The following PCED1B variants were observed in gnomAD, a reference collection of about 807,000 sequenced individuals.
PCED1B encodes the protein PC-esterase domain-containing protein 1B.
For synonymous variants in PCED1B, 251 were observed against 246.1 expected, an observed-to-expected ratio of 1.02 and a Z score of -0.19; for missense variants, 573 against 573.9, an observed-to-expected ratio of 1.00 and a Z score of 0.02.
At chr12:47,099,073 C>G (rs1351708921) in intron 1 of PCED1B, among the ~76,000 whole-genome samples, 1 of 152,172 alleles carries the variant, frequency 6.6e-6, no homozygotes, top group Non-Finnish European at 1.5e-5. Context: ...CCCCTTCTCC[C>G]CTGCGAACCA....
intron 1 of PCED1B, among the ~76,000 whole-genome samples, chr12:47,091,857 G>A (rs1172180904): frequency 4.6e-5 from 7 of 152,054 alleles, no homozygotes; most frequent in Non-Finnish European, 8.8e-5. Context: ...CCATATATGT[G>A]CAGGTCTACT....
intron 2 of PCED1B, among the ~76,000 whole-genome samples, chr12:47,178,827 A>C (rs1174447200): frequency 1.3e-5 from 2 of 148,244 alleles, no homozygotes; most frequent in African/African-American, 5.0e-5. Context: ...TGATCACGCC[A>C]CTGCACTCCA....
At chr12:47,149,362 C>T (rs10881053) in intron 2 of PCED1B, among the ~76,000 whole-genome samples, 87,925 of 152,050 alleles carry the variant, frequency 0.58, 26,172 homozygotes, top group South Asian at 0.65. Flanking sequence ...TCTCTCCCTT[C>T]GTCAAATTCC....
chr12:47,116,303 G>A (rs927101102), intron 2 of PCED1B, among the ~76,000 whole-genome samples: 1 of 152,106 alleles, frequency 6.6e-6, no homozygotes, highest in Non-Finnish European at 1.5e-5. Flanking sequence ...TTTTGGAAAG[G>A]TACATAGTCT....
intron 2 of PCED1B, among the ~76,000 whole-genome samples, chr12:47,185,817 A>G (rs1425480927): frequency 6.6e-6 from 1 of 152,056 alleles, no homozygotes; most frequent in Non-Finnish European, 1.5e-5. Flanking sequence ...ACTGTATATT[A>G]GACTGACAAA....
At chr12:47,127,300 A>G (rs1002637665) in intron 2 of PCED1B, among the ~76,000 whole-genome samples, 1 of 150,114 alleles carries the variant, frequency 6.7e-6, no homozygotes, top group Non-Finnish European at 1.5e-5. Context: ...TACCCAGGGG[A>G]TGTTTAGAGT....
At chr12:47,170,358 G>T (rs537477716) in intron 2 of PCED1B, among the ~76,000 whole-genome samples, 1 of 151,694 alleles carries the variant, frequency 6.6e-6, no homozygotes, top group African/African-American at 2.4e-5. Context: ...TTTGCTATTC[G>T]GCAAAACCGC....
At chr12:47,124,636 T>C (rs60820583) in intron 2 of PCED1B, among the ~76,000 whole-genome samples, 4 of 151,806 alleles carry the variant, frequency 2.6e-5, no homozygotes, top group Admixed American at 6.6e-5. Flanking sequence ...TTTTAAGAAA[T>C]GAATCAGCAG....
chr12:47,163,170 T>G (rs1270622158), intron 2 of PCED1B, among the ~76,000 whole-genome samples: 1 of 152,242 alleles, frequency 6.6e-6, no homozygotes, highest in African/African-American at 2.4e-5. Flanking sequence ...AGTATTTAAT[T>G]CTTTTTGATG....
chr12:47,211,654 A>C (rs1341456539), intron 2 of PCED1B, among the ~76,000 whole-genome samples: 2 of 34,566 alleles, frequency 5.8e-5, no homozygotes, highest in African/African-American at 4.9e-4. Flanking sequence ...ACTCTGTCTC[A>C]AAAAAAAAAA....
At chr12:47,191,960 A>G (rs955675084) in intron 2 of PCED1B, among the ~76,000 whole-genome samples, 1 of 152,178 alleles carries the variant, frequency 6.6e-6, no homozygotes, top group Non-Finnish European at 1.5e-5. Flanking sequence ...CGCTTGCCAC[A>G]GAAATGATTG....
chr12:47,224,160 T>C (rs1164558971), intron 3 of PCED1B: 1 of 152,258 alleles, frequency 6.6e-6, no homozygotes, highest in East Asian at 1.9e-4. Flanking sequence ...AATCATACTT[T>C]TGTGTTTATG....
chr12:47,105,900 T>C (rs187298285), intron 2 of PCED1B, among the ~76,000 whole-genome samples: 1 of 152,226 alleles, frequency 6.6e-6, no homozygotes, highest in Non-Finnish European at 1.5e-5. Context: ...TACAGTGACT[T>C]CATTTTCTTG....
chr12:47,198,324 G>A (rs1281134632), intron 2 of PCED1B, among the ~76,000 whole-genome samples: 2 of 152,066 alleles, frequency 1.3e-5, no homozygotes, highest in Non-Finnish European at 2.9e-5. Context: ...GCGCAGAAAA[G>A]CACTTGACAA....
At chr12:47,083,303 T>G (rs1937830283) in intron 1 of PCED1B, among the ~76,000 whole-genome samples, 2 of 152,072 alleles carry the variant, frequency 1.3e-5, no homozygotes, top group South Asian at 4.1e-4. Context: ...TGTAGTCAGG[T>G]GGAATTTATA....
intron 1 of PCED1B, among the ~76,000 whole-genome samples, chr12:47,101,381 T>C (rs1172187637): frequency 6.6e-6 from 1 of 152,180 alleles, no homozygotes; most frequent in Non-Finnish European, 1.5e-5. Context: ...GCTTTCTTGT[T>C]CGTTCGTTTC....
chr12:47,176,556 C>G (rs1368878336), intron 2 of PCED1B, among the ~76,000 whole-genome samples: 1 of 152,218 alleles, frequency 6.6e-6, no homozygotes, highest in East Asian at 1.9e-4. Context: ...CTATGCATCT[C>G]TTCCATCTGG....
chr12:47,223,983 G>T (rs1199017592), intron 3 of PCED1B: 1 of 152,252 alleles, frequency 6.6e-6, no homozygotes, highest in East Asian at 1.9e-4. Flanking sequence ...CTGTCCAGGG[G>T]CAGAGTCCAC....
intron 2 of PCED1B, among the ~76,000 whole-genome samples, chr12:47,150,471 G>C (rs747940903): frequency 6.6e-6 from 1 of 151,926 alleles, no homozygotes; most frequent in Non-Finnish European, 1.5e-5. Flanking sequence ...CCAGCTACTA[G>C]GGAGGCTGAG....
Sources: allele counts gnomAD v4.1 joint callset (sites outside exome capture counted in the v4.1 genomes callset), GRCh38; gene constraint gnomAD v4.1.1; transcripts MANE v1.5; gene names NCBI Gene and HGNC (gene_info 2026-07-23, HGNC 2026-07-21).